SERPINB5: variants seen among roughly 807,000 people sequenced by gnomAD.
SERPINB5 encodes serpin B5.
In SERPINB5, 27 loss-of-function variants were observed where a neutral mutation model predicts 32.2. That is an observed-to-expected ratio of 0.84 (90% CI 0.62 to 1.16). The LOEUF is 1.16. Ranked by LOEUF, SERPINB5 falls within the 50% of genes most tolerant of loss-of-function variation. The pLI is 0.00. For synonymous variants in SERPINB5, 154 were observed against 157.4 expected (o/e 0.98, Z 0.16); for missense variants, 388 against 436.3 (o/e 0.89, Z 0.99).
intron 6 of SERPINB5, 60 bp from the exon 7 acceptor site, chr18:63,503,270 G>A (rs1599395690): frequency 7.3e-6 from 11 of 1,515,998 alleles, no homozygotes; most frequent in Non-Finnish European, 8.0e-6. Flanking sequence ...TTTCAATTGA[G>A]CCAGGTCTTT....
intron 4 of SERPINB5, among the ~76,000 whole-genome samples, chr18:63,491,411 A>ACCCCC (rs1568110280): frequency 3.5e-5 from 5 of 144,848 alleles, no homozygotes; most frequent in African/African-American, 1.1e-4. Flanking sequence ...TCCCAAAAAA[A>ACCCCC]AAAAAAAAAA....
At chr18:63,491,799 T>A (rs1034908090) in intron 4 of SERPINB5, among the ~76,000 whole-genome samples, 1 of 152,094 alleles carries the variant, frequency 6.6e-6, no homozygotes, top group Admixed American at 6.6e-5. Flanking sequence ...GAGTTTGAAA[T>A]GGGAGGCTCA....
In SERPINB5 at chr18:63,503,478, A is replaced by G. The variant is rs1260535491; in HGVS notation, c.884A>G (p.His295Arg). 6.2e-7 allele frequency: 1 copy of G among 1,614,234 alleles called. No homozygotes were observed. The highest frequency in any genetic ancestry group is 1.7e-5 in the Admixed American group (1 of 60,038). ...TGTCTGGAAAATCTAGGGCTGAAAC[A>G]TATCTTCAGTGAAGACACATCTGAT... ...KACLENLGLKHIFSEDTSDFS... is the reference protein window; with the variant it reads ...KACLENLGLKRIFSEDTSDFS... Residue 295 changes from histidine to arginine, a missense_variant, in exon 7 of 7, where the codon CAT (histidine) becomes CGT (arginine). His to Arg is a conservative substitution (Grantham distance 29). Coordinates refer to ENST00000382771, the MANE Select transcript of SERPINB5 (RefSeq NM_002639.5).
In SERPINB5 at chr18:63,489,367, GA is replaced by G. The variant is rs1333729569; in HGVS notation, c.328del (p.Arg110AspfsTer39). On this transcript the variant is annotated frameshift_variant, in exon 4 of 7. Transcript: ENST00000382771. LOFTEE classifies it high-confidence loss of function. ...LSTEFISSTK[R>X]PYAKELETVD... ...TTCAGGAGTTCATCAGCTCTACGAAGAGACCGTATGCAAAGGAATTGGAAAC... is the reference window on the plus strand; with the variant it reads ...TTCAGGAGTTCATCAGCTCTACGAAGGACCGTATGCAAAGGAATTGGAAAC... The G allele has an allele frequency of 6.2e-7, 1 of 1,609,222 alleles. No homozygotes were observed. Among genetic ancestry groups the G allele is most frequent in the Non-Finnish European group, 8.5e-7 (1 of 1,176,950 alleles).
In SERPINB5 at chr18:63,484,604, C is replaced by G. The variant is rs1443356167; in HGVS notation, c.168+8C>G. The G allele has an allele frequency of 2.5e-6, 4 of 1,608,350 alleles. No homozygotes were observed. In the East Asian group the frequency reaches 8.9e-5, roughly 36 times the overall value. On this transcript the variant is annotated splice_region_variant and intron_variant, in intron 2 of 6. Transcript: ENST00000382771. ...GCAAATGAAATTGGACAGGTAAGCC[C>G]CAAAACCTTGTTTCTACTTTAAGTG...
At chr18:63,487,322 A>C (rs775221491) in intron 3 of SERPINB5, among the ~76,000 whole-genome samples, 9 of 152,172 alleles carry the variant, frequency 5.9e-5, no homozygotes, top group Non-Finnish European at 1.3e-4. Context: ...CTCTCAAATA[A>C]ATCTTACCCT....
At position 63,499,285 on chromosome 18, in the gene SERPINB5, A is replaced by G; in HGVS notation, c.733A>G (p.Lys245Glu). Residue 245 changes from lysine to glutamate, a missense_variant and splice_region_variant, in exon 6 of 7, where the codon AAG (lysine) becomes GAG (glutamate). Physicochemically the swap from Lys to Glu is moderately conservative, Grantham distance 56. Transcript: ENST00000382771. ...DVEDESTGLE[K>E]IEKQLNSESL... ...GGAGGATGAGTCCACAGGCTTGGAGAAGGTAAGGAGAAGGCAGGTGCTCTC... is the reference window on the plus strand; with the variant it reads ...GGAGGATGAGTCCACAGGCTTGGAGGAGGTAAGGAGAAGGCAGGTGCTCTC... 6.4e-7 allele frequency: 1 copy of G among 1,560,306 alleles called. No homozygotes were observed.
intron 3 of SERPINB5, 52 bp downstream of exon 3, chr18:63,487,135 T>C (rs1917228921): frequency 1.3e-6 from 2 of 1,580,134 alleles, no homozygotes; most frequent in Non-Finnish European, 1.7e-6. Context: ...AGGAGTGGCA[T>C]TTTCATGCTG....
intron 3 of SERPINB5, 96 bp from the exon 4 acceptor site, chr18:63,489,251 A>C: frequency 1.5e-6 from 1 of 680,142 alleles, no homozygotes; most frequent in Non-Finnish European, 2.5e-6. Flanking sequence ...AAGTGTACAT[A>C]TAGCAGTTGA....
At chr18:63,497,578 T>C (rs1246172079) in intron 5 of SERPINB5, among the ~76,000 whole-genome samples, 1 of 150,788 alleles carries the variant, frequency 6.6e-6, no homozygotes. Flanking sequence ...TTAGAGATAA[T>C]TTTAAAGAAC....
chr18:63,497,499 G>A (rs1327779381), intron 5 of SERPINB5: 330 of 223,540 alleles, frequency 1.5e-3, no homozygotes, highest in South Asian at 3.0e-3. Flanking sequence ...CAACGTTTCT[G>A]AAAAAAAAAA....
At chr18:63,492,889 GT>G in intron 4 of SERPINB5, 63 bp from the exon 5 acceptor site, 1 of 1,563,280 alleles carries the variant, frequency 6.4e-7, no homozygotes. Context: ...GAATATGCAT[GT>G]GAATTTCAGA....
chr18:63,499,475 T>G (rs1909526735), intron 6 of SERPINB5, among the ~76,000 whole-genome samples, 188 bp downstream of exon 6: 1 of 152,166 alleles, frequency 6.6e-6, no homozygotes, highest in South Asian at 2.1e-4. Context: ...CAGCCAAAAT[T>G]TATTTGGCAC....
chr18:63,503,165 C>A (rs1909604404), intron 6 of SERPINB5, among the ~76,000 whole-genome samples, 165 bp from the exon 7 acceptor site: 1 of 152,202 alleles, frequency 6.6e-6, no homozygotes, highest in Non-Finnish European at 1.5e-5. Context: ...TGGGTGGCTG[C>A]TGGGTCTCCT....
chr18:63,486,879 G>A (rs1038055695), intron 2 of SERPINB5, 67 bp from the exon 3 acceptor site: 3 of 1,549,000 alleles, frequency 1.9e-6, no homozygotes, highest in African/African-American at 2.7e-5. Flanking sequence ...TCATTATCAC[G>A]TGTCCACTTC....
At position 63,476,980 on chromosome 18, in the gene SERPINB5, A is replaced by G. The variant is rs985804594; in HGVS notation, c.-73A>G. The G allele has an allele frequency of 6.6e-6, 1 of 152,324 alleles. No individual in the cohort carries two copies. Among genetic ancestry groups the G allele is most frequent in the African/African-American group, 2.4e-5 (1 of 41,454 alleles). 9.4% of individuals were successfully genotyped at this position (152,324 alleles called of 1,614,324 possible). A position where few individuals can be genotyped will look rare whatever the true frequency, so the allele number is the denominator to read the frequency against. On this transcript the variant is annotated 5_prime_UTR_variant, in exon 1 of 7. Transcript: ENST00000382771. ...CCCAGACACGGTCGCCTCCACATCC[A>G]GGTCTTTGTGCTCCTCGCTTGCCTG... is the stretch of plus-strand genomic sequence containing the variant.
chr18:63,494,735 T>A (rs1171262475), intron 5 of SERPINB5, among the ~76,000 whole-genome samples: 1 of 152,222 alleles, frequency 6.6e-6, no homozygotes, highest in African/African-American at 2.4e-5. Context: ...ATGGAATTTT[T>A]ATTCATACTC....
At chr18:63,487,105 G>C in intron 3 of SERPINB5, 22 bp downstream of exon 3, 1 of 1,608,630 alleles carries the variant, frequency 6.2e-7, no homozygotes, top group Non-Finnish European at 8.5e-7. Flanking sequence ...AAAGCAAGTA[G>C]CAAGACTTAA....
At chr18:63,494,320 T>TC (rs1396042615) in intron 5 of SERPINB5, among the ~76,000 whole-genome samples, 56 of 30,444 alleles carry the variant, frequency 1.8e-3, no homozygotes, top group African/African-American at 5.4e-3. Flanking sequence ...AGACTCCATC[T>TC]CAAAAAAAAA....
Sources: allele counts gnomAD v4.1 joint callset (sites outside exome capture counted in the v4.1 genomes callset), GRCh38; gene constraint gnomAD v4.1.1; transcripts MANE v1.5; gene names NCBI Gene and HGNC (gene_info 2026-07-23, HGNC 2026-07-21).